SLC24A3: variants seen among roughly 807,000 people sequenced by gnomAD.
SLC24A3 encodes solute carrier family 24 member 3.
In SLC24A3, 28 loss-of-function variants were observed where a neutral mutation model predicts 75.8. The observed-to-expected ratio is 0.37, with a 90% CI of 0.27 to 0.51. The LOEUF is 0.51. Ranked by LOEUF, SLC24A3 falls within the 20% of genes least tolerant of loss-of-function variation. The pLI is 0.94. For missense variants in SLC24A3, 663 were observed against 847.8 expected (o/e 0.78, Z 2.71); for synonymous variants, 372 against 334.1 (o/e 1.11, Z -1.24).
rs574684434 is a variant in SLC24A3, at chr20:19,602,970, G to A, written c.612+17426G>A. Among the ~76,000 whole-genome samples the A allele has an allele frequency of 2.0e-5, 3 of 152,316 alleles. No individual in the cohort carries two copies. The South Asian group carries it at 6.2e-4, about 32-fold the overall frequency. ...GGTTCAGCTGAGCAAGATTGCTTAG[G>A]AAGAGCCTGGCATGTTCACGGTGCA... On this transcript the variant is annotated intron_variant, in intron 6 of 16. Transcript: ENST00000328041.
rs369904669 is a variant in SLC24A3 at position 19,599,662 on chromosome 20, CATT to C, written c.612+14121_612+14123del. On this transcript the variant is annotated intron_variant, in intron 6 of 16. Transcript: ENST00000328041. ...TCCGAGCTACGTTTATGCATGCCCTCATTATGGAATTTAGCAGGGATTGAAATG... is the reference window on the plus strand; with the variant it reads ...TCCGAGCTACGTTTATGCATGCCCTCATGGAATTTAGCAGGGATTGAAATG... Among the ~76,000 whole-genome samples, 193 of 152,308 alleles carry C rather than the reference CATT, an allele frequency of 1.3e-3. 5 individuals are homozygous for C. In the South Asian group the frequency reaches 0.037, roughly 30 times the overall value.
chr20:19,628,520 T>G (rs2031894633), intron 6 of SLC24A3, among the ~76,000 whole-genome samples: 1 of 152,114 alleles, frequency 6.6e-6, no homozygotes, highest in African/African-American at 2.4e-5. Context: ...TCCTCCAAAC[T>G]CATGGCTTCT....
chr20:19,695,195 G>A (rs1211799226), intron 13 of SLC24A3, among the ~76,000 whole-genome samples: 2 of 152,214 alleles, frequency 1.3e-5, no homozygotes, highest in Admixed American at 6.5e-5. Context: ...GAACAGGGAA[G>A]GAGCGATTGT....
chr20:19,512,049 C>A (rs1438308599), intron 2 of SLC24A3, among the ~76,000 whole-genome samples: 2 of 152,228 alleles, frequency 1.3e-5, no homozygotes, highest in African/African-American at 4.8e-5. Context: ...CATTCACAAG[C>A]TGTGCTGCTG....
chr20:19,607,163 T>G (rs1164125269), intron 6 of SLC24A3, among the ~76,000 whole-genome samples: 1 of 152,152 alleles, frequency 6.6e-6, no homozygotes. Context: ...TTCTTTAGAC[T>G]CCCCATAGTT....
chr20:19,567,202 A>T (rs1568658091), intron 3 of SLC24A3, among the ~76,000 whole-genome samples: 1 of 152,176 alleles, frequency 6.6e-6, no homozygotes. Flanking sequence ...GTCCAAAAGA[A>T]TATAAATCGT....
rs11475629 is a variant in SLC24A3, at chr20:19,378,907, CAA to C, written c.271+97833_271+97834del. Among the ~76,000 whole-genome samples, 812 of 138,304 alleles carry C rather than the reference CAA, an allele frequency of 5.9e-3. 3 individuals are homozygous for C. Among genetic ancestry groups the C allele is most frequent in the Non-Finnish European group, 9.6e-3 (599 of 62,158 alleles). The allele number at this position is 138,304 out of a possible 152,430, so 90.7% of individuals were successfully genotyped here. On this transcript the variant is annotated intron_variant, in intron 2 of 16. Transcript: ENST00000328041. ...ATCTCTACTTTCTTTAAAAAAAGCT[CAA>C]AAAAAAAAAAAAGGATGCAGTGGGG...
chr20:19,346,222 GTATATATGGTATATATATATGGTGTATA>G (rs1568595801), intron 2 of SLC24A3, among the ~76,000 whole-genome samples: 13 of 27,952 alleles, frequency 4.7e-4, no homozygotes, highest in Non-Finnish European at 3.8e-4. Context: ...TGGTGTATAT[GTATATATGGTATATATATATGGTGTATA>G]TATATATGGT....
intron 2 of SLC24A3, among the ~76,000 whole-genome samples, chr20:19,488,891 T>G (rs1365235949): frequency 6.6e-6 from 1 of 152,178 alleles, no homozygotes; most frequent in Non-Finnish European, 1.5e-5. Context: ...AGTGTCACTG[T>G]CTCAGCCCAC....
At chr20:19,439,629 T>C (rs1325117320) in intron 2 of SLC24A3, among the ~76,000 whole-genome samples, 2 of 152,202 alleles carry the variant, frequency 1.3e-5, no homozygotes, top group East Asian at 1.9e-4. Context: ...CCAAAACTTA[T>C]TTCCTTCCAA....
At chr20:19,715,759 C>T (rs1985490677) in intron 15 of SLC24A3, among the ~76,000 whole-genome samples, 1 of 152,166 alleles carries the variant, frequency 6.6e-6, no homozygotes, top group South Asian at 2.1e-4. Context: ...GTCAGAAGGG[C>T]CCAGAACCAC....
chr20:19,614,671 G>A (rs368598426), intron 6 of SLC24A3, among the ~76,000 whole-genome samples: 22 of 152,336 alleles, frequency 1.4e-4, no homozygotes, highest in East Asian at 1.2e-3. Flanking sequence ...AAATTGTAGC[G>A]TTGGGAGAGT....
intron 6 of SLC24A3, among the ~76,000 whole-genome samples, chr20:19,628,189 C>T (rs6046212): frequency 0.079 from 9,738 of 123,260 alleles, 850 homozygotes; most frequent in African/African-American, 0.23. Context: ...GGCGACACAG[C>T]GAGACTCCAT....
chr20:19,379,268 C>A (rs1228347683), intron 2 of SLC24A3, among the ~76,000 whole-genome samples: 1 of 152,184 alleles, frequency 6.6e-6, no homozygotes, highest in Non-Finnish European at 1.5e-5. Context: ...GAGCTGGGGG[C>A]ACCCTTTTGA....
chr20:19,677,692 T>C (rs1175731867), intron 9 of SLC24A3, among the ~76,000 whole-genome samples: 7 of 150,336 alleles, frequency 4.7e-5, no homozygotes, highest in Non-Finnish European at 5.9e-5. Context: ...TTTTCTTTTT[T>C]TTTTTTTTTT....
chr20:19,351,105 G>A (rs980557633), intron 2 of SLC24A3, among the ~76,000 whole-genome samples: 1 of 152,170 alleles, frequency 6.6e-6, no homozygotes, highest in Non-Finnish European at 1.5e-5. Context: ...CCCAGGGCTG[G>A]CCTCCATAGG....
chr20:19,325,761 C>CATATAT (rs1568589782), intron 2 of SLC24A3, among the ~76,000 whole-genome samples: 2 of 44,442 alleles, frequency 4.5e-5, no homozygotes, highest in African/African-American at 2.3e-4. Flanking sequence ...TGTATACATA[C>CATATAT]ATACATATAT....
intron 2 of SLC24A3, among the ~76,000 whole-genome samples, chr20:19,487,934 T>C (rs1263148994): frequency 6.6e-6 from 1 of 152,232 alleles, no homozygotes; most frequent in African/African-American, 2.4e-5. Flanking sequence ...GTTTGGTTTG[T>C]CCTGATGAAC....
intron 2 of SLC24A3, chr20:19,355,053 G>C (rs1251074223): frequency 6.6e-6 from 1 of 152,208 alleles, no homozygotes; most frequent in Non-Finnish European, 1.5e-5. Context: ...TGTGTTCTCT[G>C]TTTCATCTTG....
Sources: allele counts gnomAD v4.1 joint callset (sites outside exome capture counted in the v4.1 genomes callset), GRCh38; gene constraint gnomAD v4.1.1; transcripts MANE v1.5; gene names NCBI Gene and HGNC (gene_info 2026-07-23, HGNC 2026-07-21).